ZCCHC4: variants seen among roughly 807,000 people sequenced by gnomAD.
The protein encoded by ZCCHC4 is rRNA N(6)-adenosine-methyltransferase ZCCHC4.
ZCCHC4 carries 54 observed loss-of-function variants against 67.7 expected under a neutral mutation model. The observed-to-expected ratio is 0.80, with a 90% CI of 0.64 to 1.00. The LOEUF (loss-of-function observed/expected upper bound fraction) is 1.00. Ranked by LOEUF, ZCCHC4 falls within the 50% of genes least tolerant of loss-of-function variation. The probability of loss-of-function intolerance (pLI) is 0.00; values close to 1 mark genes in which losing one functional copy is unlikely to be tolerated. For synonymous variants in ZCCHC4, 198 were observed against 213.5 expected, an observed-to-expected ratio of 0.93 and a Z score of 0.63; for missense variants, 609 against 617.0, an observed-to-expected ratio of 0.99 and a Z score of 0.14.
chr4:25,331,756 C>T (rs1001770493), intron 3 of ZCCHC4, among the ~76,000 whole-genome samples: 1 of 152,128 alleles, frequency 6.6e-6, no homozygotes, highest in Non-Finnish European at 1.5e-5. Context: ...GAAGTTTCTT[C>T]TAATATCCCT....
chr4:25,333,986 T>C lies in ZCCHC4; in HGVS notation c.684T>C (p.Phe228=), dbSNP rs1719323339. 1 of 1,588,890 alleles carries C rather than the reference T, an allele frequency of 6.3e-7. No homozygotes were observed. The highest frequency in any genetic ancestry group is 1.2e-5 in the South Asian group (1 of 86,264). Residue 228 remains phenylalanine, a splice_region_variant and synonymous_variant, in exon 5 of 13, where the codon TTT becomes TTC. Transcript: ENST00000302874. ...NIKSLLLDID[F]RYSQFYMEDS... ...AAAGCCTTTTATTGGATATTGATTT[T>C]CGGTAGGTTTACAAAATACAGTATT...
Position 25,324,104 on chromosome 4 carries a change from C to CA in ZCCHC4, c.329+8705dup, listed in dbSNP as rs1718734653. ...TCAGTTCACTGCAATCTCCACCTCC[C>CA]AGGTTCAAGCGATTCTCCTGCCTCA... is the stretch of plus-strand genomic sequence containing the variant. On this transcript the variant is annotated intron_variant, in intron 3 of 12. Transcript: ENST00000302874. Among the ~76,000 whole-genome samples the CA allele has an allele frequency of 3.4e-5, 5 of 144,988 alleles. No homozygotes were observed. In the Admixed American group the frequency reaches 3.6e-4, roughly 10 times the overall value.
chr4:25,366,018 T>A (rs546177653), intron 12 of ZCCHC4: 10 of 981,664 alleles, frequency 1.0e-5, no homozygotes, highest in Admixed American at 6.1e-5. Flanking sequence ...TATATGAAAA[T>A]TCAGATTGGG....
chr4:25,333,192 G>A lies in ZCCHC4; in HGVS notation c.339G>A (p.Lys113=). ...SRTQCVERYL[K]FIELPLTQRK... ...TTATTTTGTCTTGAAGGTACTTGAA[G>A]TTTATTGAGTTGCCCTTGACTCAGA... The change falls in exon 4 of 13, where the codon AAG becomes AAA. Residue 113 remains lysine (K), a synonymous_variant. Coordinates refer to ENST00000302874, the MANE Select transcript of ZCCHC4 (RefSeq NM_024936.3). The A allele has an allele frequency of 6.2e-7, 1 of 1,611,872 alleles. No individual in the cohort carries two copies. The highest frequency in any genetic ancestry group is 8.5e-7 in the Non-Finnish European group (1 of 1,178,316).
In ZCCHC4 at chr4:25,312,839, C is replaced by T. The variant is rs746189830; in HGVS notation, c.30C>T (p.Ala10=). 2 of 1,613,254 alleles carry T rather than the reference C, an allele frequency of 1.2e-6. No individual in the cohort carries two copies. The highest frequency in any genetic ancestry group is 8.5e-7 in the Non-Finnish European group (1 of 1,180,016). The change falls in exon 1 of 13, where the codon GCC becomes GCT. Residue 10 remains alanine (A), a synonymous_variant. Transcript: ENST00000302874. MAASRNGFE[A]VEAEGSAGCR... is the part of the protein sequence containing the mutation. ...CGGCCTCCAGGAATGGGTTTGAAGC[C>T]GTGGAGGCAGAGGGCAGCGCAGGGT... is the stretch of plus-strand genomic sequence containing the variant.
intron 3 of ZCCHC4, among the ~76,000 whole-genome samples, chr4:25,317,164 T>G (rs1251920419): frequency 6.6e-6 from 1 of 152,154 alleles, no homozygotes; most frequent in Non-Finnish European, 1.5e-5. Context: ...TTATGGCAGC[T>G]CCTTCATTTT....
Position 25,329,223 on chromosome 4 carries a change from G to A in ZCCHC4, c.330-3960G>A, listed in dbSNP as rs949825707. ...AATAAATAAATAATTTTATTATGAT[G>A]TGTCTTGTAGTTTTCCTTCATGTTT... On this transcript the variant is annotated intron_variant, in intron 3 of 12. Transcript: ENST00000302874. Among the ~76,000 whole-genome samples, 4 of 152,082 alleles carry A rather than the reference G, an allele frequency of 2.6e-5. No homozygotes were observed. The South Asian group carries it at 6.2e-4, about 24-fold the overall frequency.
chr4:25,349,738 A>G (rs1209437286), intron 7 of ZCCHC4, 96 bp downstream of exon 7: 2 of 1,294,898 alleles, frequency 1.5e-6, no homozygotes, highest in African/African-American at 3.0e-5. Context: ...GTGATAGAAT[A>G]TACATGTCTT....
intron 8 of ZCCHC4, among the ~76,000 whole-genome samples, chr4:25,356,920 G>A (rs990063834): frequency 6.6e-6 from 1 of 152,134 alleles, no homozygotes; most frequent in African/African-American, 2.4e-5. Flanking sequence ...AAAGAAACAG[G>A]TAACGTAGGC....
At chr4:25,313,623 TCC>T (rs1164870316) in intron 1 of ZCCHC4, among the ~76,000 whole-genome samples, 1 of 152,150 alleles carries the variant, frequency 6.6e-6, no homozygotes, top group African/African-American at 2.4e-5. Context: ...CACCTGTAGT[TCC>T]AGCACTTGGG....
chr4:25,327,394 CTCCCTCCT>C (rs796441070), intron 3 of ZCCHC4, among the ~76,000 whole-genome samples: 3,301 of 139,622 alleles, frequency 0.024, 122 homozygotes, highest in African/African-American at 0.083. Flanking sequence ...CCCTCCCTCC[CTCCCTCCT>C]TCCCTCCTTC....
intron 12 of ZCCHC4, chr4:25,366,289 TAAAG>T (rs1720943894): frequency 1.4e-6 from 1 of 728,336 alleles, no homozygotes; most frequent in Non-Finnish European, 1.7e-6. Flanking sequence ...TTTAAAAACT[TAAAG>T]AAGCTTATTG....
At chr4:25,360,426 C>A (rs1296885235) in intron 8 of ZCCHC4, among the ~76,000 whole-genome samples, 1 of 152,180 alleles carries the variant, frequency 6.6e-6, no homozygotes, top group African/African-American at 2.4e-5. Flanking sequence ...GGCTTTTGGT[C>A]CCAGCTGTGG....
chr4:25,340,188 A>T (rs1261575596), intron 5 of ZCCHC4, among the ~76,000 whole-genome samples: 1 of 152,018 alleles, frequency 6.6e-6, no homozygotes, highest in Non-Finnish European at 1.5e-5. Context: ...TATTTATTGT[A>T]TGAGGTAGGG....
chr4:25,321,226 C>A (rs1718568607), intron 3 of ZCCHC4, among the ~76,000 whole-genome samples: 3 of 151,698 alleles, frequency 2.0e-5, no homozygotes, highest in Non-Finnish European at 2.9e-5. Context: ...TTCTTCCTTT[C>A]CTTTTCTTTC....
At chr4:25,356,202 G>A (rs1177893156) in intron 8 of ZCCHC4, among the ~76,000 whole-genome samples, 1 of 152,106 alleles carries the variant, frequency 6.6e-6, no homozygotes, top group Non-Finnish European at 1.5e-5. Flanking sequence ...TTTTCTATTT[G>A]AAAATGCCTC....
chr4:25,337,688 A>G (rs1719525847), intron 5 of ZCCHC4, among the ~76,000 whole-genome samples: 1 of 152,176 alleles, frequency 6.6e-6, no homozygotes, highest in African/African-American at 2.4e-5. Flanking sequence ...CCATAACTAA[A>G]CTATTCAAGA....
Position 25,361,997 on chromosome 4 carries a change from A to G in ZCCHC4, c.1133+17A>G. 1 of 1,606,280 alleles carries G rather than the reference A, an allele frequency of 6.2e-7. No individual in the cohort carries two copies. The highest frequency in any genetic ancestry group is 8.5e-7 in the Non-Finnish European group (1 of 1,176,124). On this transcript the variant is annotated intron_variant, in intron 9 of 12. Coordinates refer to ENST00000302874, the MANE Select transcript of ZCCHC4 (RefSeq NM_024936.3). ...AGGGTACAGGTAAGATCACAGTGGA[A>G]CTTTGAAGTACACAAGTCACTGAAA...
At chr4:25,313,263 C>T (rs1272399554) in intron 1 of ZCCHC4, among the ~76,000 whole-genome samples, 1 of 152,122 alleles carries the variant, frequency 6.6e-6, no homozygotes, top group Non-Finnish European at 1.5e-5. Flanking sequence ...ATTTGCTCTC[C>T]CTTCAAAAAT....
Sources: allele counts gnomAD v4.1 joint callset (sites outside exome capture counted in the v4.1 genomes callset), GRCh38; gene constraint gnomAD v4.1.1; transcripts MANE v1.5; gene names NCBI Gene and HGNC (gene_info 2026-07-23, HGNC 2026-07-21).